RAB37: variants seen among roughly 807,000 people sequenced by gnomAD.
RAB37 encodes ras-related protein Rab-37.
In RAB37, 29 loss-of-function variants were observed where a neutral mutation model predicts 33.1. The ratio of observed to expected loss-of-function variants is 0.88; its 90% confidence interval spans 0.65 to 1.20. RAB37 has a LOEUF of 1.20. RAB37 is among the 50% of genes most tolerant of loss of function. RAB37 has a pLI of 0.00. For missense variants in RAB37, 299 were observed against 301.1 expected, an observed-to-expected ratio of 0.99 and a Z score of 0.05; for synonymous variants, 128 against 119.5, an observed-to-expected ratio of 1.07 and a Z score of -0.47.
In RAB37 at chr17:74,730,196, T is replaced by C. The variant is rs2034367784; in HGVS notation, c.183+830T>C. Among the ~76,000 whole-genome samples, 1 of 152,126 alleles carries C rather than the reference T, an allele frequency of 6.6e-6. No individual in the cohort carries two copies. Among genetic ancestry groups the C allele is most frequent in the Admixed American group, 6.5e-5 (1 of 15,282 alleles). ...GTGGCAGGAAGAGCAGGGCCTTCCC[T>C]TGGGACTCCAGAATCCTAGCATCTC... On this transcript the variant is annotated intron_variant, in intron 2 of 7. Coordinates refer to the RAB37 transcript ENST00000340415. This position sits in a 1 kb window ranked among gnomAD's most constrained non-coding sequence, Gnocchi z 4.4.
At chr17:74,698,678 T>C (rs2143631947) in intron 1 of RAB37, 1 of 1,376,330 alleles carries the variant, frequency 7.3e-7, no homozygotes, top group Non-Finnish European at 9.6e-7. Context: ...AAGAAGGGAA[T>C]GGAACAAGAG....
chr17:74,732,043 A>ACTCTG (rs2034391072), intron 2 of RAB37, among the ~76,000 whole-genome samples: 1 of 150,788 alleles, frequency 6.6e-6, no homozygotes, highest in South Asian at 2.1e-4. Context: ...AAAACACCTC[A>ACTCTG]CTCTGCTCAT....
intron 1 of RAB37, among the ~76,000 whole-genome samples, chr17:74,717,995 G>T: frequency 6.6e-6 from 1 of 151,674 alleles, no homozygotes; most frequent in East Asian, 2.0e-4. Flanking sequence ...ATACATTTCT[G>T]TTTATAAACC....
chr17:74,744,645 G>T lies in RAB37; in HGVS notation c.433-228G>T. 2 of 629,534 alleles carry T rather than the reference G, an allele frequency of 3.2e-6. No individual in the cohort carries two copies. The allele number at this position is 629,534 out of a possible 1,614,324, so 39.0% of individuals were successfully genotyped here. On this transcript the variant is annotated intron_variant, in intron 6 of 8. Coordinates refer to ENST00000392613, the MANE Select transcript of RAB37 (RefSeq NM_001006638.3). This position sits in a 1 kb window ranked among gnomAD's most constrained non-coding sequence, Gnocchi z 4.2. Reference sequence around the variant, plus strand: ...GGGTCCCAGGTCAGGGGCTAAGAGTGCAAAGGGTTAGCCCCAACTGCTGTC... The same window carrying T: ...GGGTCCCAGGTCAGGGGCTAAGAGTTCAAAGGGTTAGCCCCAACTGCTGTC...
upstream of RAB37, among the ~76,000 whole-genome samples, chr17:74,735,043 AAGAAAGAAAGAAAGAAAG>A (rs1296795118): frequency 2.0e-5 from 3 of 147,462 alleles, no homozygotes; most frequent in Admixed American, 6.7e-5. Context: ...GAAAGAAAGA[AAGAAAGAAAGAAAGAAAG>A]AGAAAGAAAG....
At chr17:74,712,621 C>T (rs938962983) in intron 1 of RAB37, among the ~76,000 whole-genome samples, 2 of 152,236 alleles carry the variant, frequency 1.3e-5, no homozygotes, top group African/African-American at 4.8e-5. Context: ...GGAATTCTGC[C>T]TTGCACTGGC....
At chr17:74,718,360 A>ATATCT (rs908767476) in intron 1 of RAB37, among the ~76,000 whole-genome samples, 62 of 137,008 alleles carry the variant, frequency 4.5e-4, no homozygotes, top group African/African-American at 1.5e-3. Flanking sequence ...ATATCATATC[A>ATATCT]TATCCACCCA....
In RAB37 at chr17:74,742,416, G is replaced by T. The variant is rs980588631; in HGVS notation, c.246+121G>T. ...TGGGGCAATTTCCTGTGGGGCCCAC[G>T]GGAGGAAATGGCTTTTGTTTATTTG... On this transcript the variant is annotated intron_variant, in intron 3 of 8. Coordinates refer to ENST00000392613, the MANE Select transcript of RAB37 (RefSeq NM_001006638.3). The surrounding 1 kb of genome is among the most constrained non-coding windows in gnomAD (Gnocchi z 4.0). 2 of 714,926 alleles carry T rather than the reference G, an allele frequency of 2.8e-6. No individual in the cohort carries two copies. Among genetic ancestry groups the T allele is most frequent in the East Asian group, 2.8e-5 (1 of 35,522 alleles). The allele number at this position is 714,926 out of a possible 1,614,324, so 44.3% of individuals were successfully genotyped here. A position where few individuals can be genotyped will look rare whatever the true frequency, so the allele number is the denominator to read the frequency against.
At chr17:74,736,956 G>A (rs965052347), upstream of RAB37, 3 of 1,532,682 alleles carry the variant, frequency 2.0e-6, no homozygotes, top group Non-Finnish European at 2.6e-6. Context: ...GGTCCCCGCG[G>A]CCCGCTCCCC....
chr17:74,683,989 G>A (rs2032004938), intron 1 of RAB37, among the ~76,000 whole-genome samples: 1 of 152,220 alleles, frequency 6.6e-6, no homozygotes, highest in African/African-American at 2.4e-5. Flanking sequence ...AGAGGCAGGG[G>A]AAGAAGTAGA....
chr17:74,713,870 C>A (rs1365986614), intron 1 of RAB37, among the ~76,000 whole-genome samples: 1 of 131,066 alleles, frequency 7.6e-6, no homozygotes, highest in Admixed American at 9.2e-5. Flanking sequence ...CAAGACCAGC[C>A]TGGGCAACAT....
At chr17:74,694,847 GC>G (rs1353199106) in intron 1 of RAB37, 4 of 381,582 alleles carry the variant, frequency 1.0e-5, no homozygotes, top group Non-Finnish European at 1.9e-5. Context: ...TCCCATGAAA[GC>G]CCCAGAGCAT....
chr17:74,688,694 A>T, intron 1 of RAB37, among the ~76,000 whole-genome samples: 1 of 152,252 alleles, frequency 6.6e-6, no homozygotes, highest in East Asian at 1.9e-4. Flanking sequence ...AAGACACTAT[A>T]AAAGCCTGTC....
chr17:74,732,876 G>GTC (rs1253350941), upstream of RAB37, among the ~76,000 whole-genome samples: 1 of 78,198 alleles, frequency 1.3e-5, no homozygotes, highest in Non-Finnish European at 2.8e-5. Context: ...ACGCATGAGG[G>GTC]TCTGTCTCAC....
chr17:74,742,282 G>A lies in RAB37; in HGVS notation c.233G>A (p.Arg78Lys). Residue 78 changes from arginine to lysine, a missense_variant, in exon 3 of 9, where the codon AGA becomes AAA. Physicochemically the swap from Arg to Lys is conservative, Grantham distance 26 (BLOSUM62 2). Coordinates refer to ENST00000392613, the MANE Select transcript of RAB37 (RefSeq NM_001006638.3). The surrounding 1 kb of genome is among the most constrained non-coding windows in gnomAD (Gnocchi z 4.0). ...RNKVVTVDGV[R>K]VKLQIWDTAG... ...AAGGTGGTGACTGTGGATGGCGTGAGAGTGAAGCTGCAGGTGAGACCAGAG... is the reference window on the plus strand; with the variant it reads ...AAGGTGGTGACTGTGGATGGCGTGAAAGTGAAGCTGCAGGTGAGACCAGAG... 1 of 1,613,374 alleles carries A rather than the reference G, an allele frequency of 6.2e-7. No individual in the cohort carries two copies. Among genetic ancestry groups the A allele is most frequent in the Non-Finnish European group, 8.5e-7 (1 of 1,179,544 alleles).
chr17:74,703,143 G>A (rs765088446), intron 1 of RAB37: 92 of 1,612,202 alleles, frequency 5.7e-5, no homozygotes, highest in Middle Eastern at 1.8e-4. Flanking sequence ...AGGAGTCGAC[G>A]CTGTAGTTGA....
chr17:74,671,353 G>C lies in RAB37; in HGVS notation c.-234G>C, dbSNP rs2031699436. On this transcript the variant is annotated 5_prime_UTR_variant, in exon 1 of 8. Transcript: ENST00000340415. This position sits in a 1 kb window ranked among gnomAD's most constrained non-coding sequence, Gnocchi z 5.0. ...GAACTCTGGTCCCGGGCGCACAACG[G>C]CGGAGTCGCTGTTCCTGGTGCTGAA... The C allele has an allele frequency of 1.8e-6, 1 of 543,348 alleles. No individual in the cohort carries two copies. Among genetic ancestry groups the C allele is most frequent in the African/African-American group, 1.9e-5 (1 of 52,966 alleles). The allele number at this position is 543,348 out of a possible 1,614,324, so 33.7% of individuals were successfully genotyped here.
intron 1 of RAB37, among the ~76,000 whole-genome samples, chr17:74,696,631 AG>A (rs960896002): frequency 9.9e-5 from 15 of 152,158 alleles, no homozygotes; most frequent in Non-Finnish European, 1.9e-4. Context: ...GCAGCTACCC[AG>A]GCTGTCTAAT....
At chr17:74,699,715 G>A (rs1401357764) in intron 1 of RAB37, among the ~76,000 whole-genome samples, 4 of 152,094 alleles carry the variant, frequency 2.6e-5, no homozygotes, top group Non-Finnish European at 4.4e-5. Flanking sequence ...GTGAGAGAAC[G>A]TATTTCTTTT....
Sources: gnomAD v4.1 joint callset for allele counts (sites outside exome capture counted in the v4.1 genomes callset) on GRCh38, gnomAD v4.1.1 for gene constraint, Gnocchi (gnomAD v3.1) non-coding constraint, MANE v1.5 for transcripts, NCBI Gene and HGNC (gene_info 2026-07-23, HGNC 2026-07-21) for gene names.